Variants in SIRPA observed in about 807,000 individuals in gnomAD.
SIRPA encodes signal regulatory protein alpha, also known as tyrosine-protein phosphatase non-receptor type substrate 1.
In SIRPA, 9 loss-of-function variants were observed where a neutral mutation model predicts 50.3. That is an observed-to-expected ratio of 0.18 (90% CI 0.11 to 0.31). The LOEUF (loss-of-function observed/expected upper bound fraction) is 0.31. Among genes scored for constraint, SIRPA ranks in the 10% least tolerant of loss-of-function variants. SIRPA has a pLI of 1.00. For synonymous variants in SIRPA, 265 were observed against 284.1 expected, an observed-to-expected ratio of 0.93 and a Z score of 0.68; for missense variants, 474 against 661.6, an observed-to-expected ratio of 0.72 and a Z score of 3.11.
rs529265480 is a variant in SIRPA, at chr20:1,924,742, C to T, written c.1088-22C>T. On this transcript the variant is annotated intron_variant, in intron 4 of 7. Transcript: ENST00000358771. The surrounding 1 kb of genome is among the most constrained non-coding windows in gnomAD (Gnocchi z 4.5). ...TGTTTTTAATCTGCATACGTGAAGC[C>T]TCTATTCCATGTGGTCCCTAGAGAA... 8.8e-6 allele frequency: 14 copies of T among 1,596,720 alleles called. No individual in the cohort carries two copies. In the East Asian group the frequency reaches 2.7e-4, roughly 31 times the overall value.
At chr20:1,911,803 G>A (rs554761021) in intron 1 of SIRPA, among the ~76,000 whole-genome samples, 1 of 152,120 alleles carries the variant, frequency 6.6e-6, no homozygotes, top group African/African-American at 2.4e-5. Context: ...CAGGCCCCTG[G>A]ACAGTCGCAT....
At chr20:1,906,629 G>A (rs142140820) in intron 1 of SIRPA, among the ~76,000 whole-genome samples, 65 of 152,306 alleles carry the variant, frequency 4.3e-4, no homozygotes, top group African/African-American at 1.4e-3. Context: ...TGGGGCCACT[G>A]TAAAAATTCT....
At chr20:1,935,349 C>G (rs1336430631) in intron 7 of SIRPA, among the ~76,000 whole-genome samples, 1 of 152,248 alleles carries the variant, frequency 6.6e-6, no homozygotes, top group Non-Finnish European at 1.5e-5. Context: ...GCTGTCAGAC[C>G]TTGAAGGCAG....
At position 1,934,588 on chromosome 20, in the gene SIRPA, G is replaced by A; in HGVS notation, c.1227-127G>A. On this transcript the variant is annotated intron_variant, in intron 6 of 7. Transcript: ENST00000358771. This position sits in a 1 kb window ranked among gnomAD's most constrained non-coding sequence, Gnocchi z 4.6. ...ACATTTGATATGCAGTTGTATTTCT[G>A]TTATGAGTCCTTCGTTCATGTCCTC... 2.5e-6 allele frequency: 2 copies of A among 811,996 alleles called. No individual in the cohort carries two copies. Among genetic ancestry groups the A allele is most frequent in the Non-Finnish European group, 2.0e-6 (1 of 496,498 alleles). The allele number at this position is 811,996 out of a possible 1,614,324, so 50.3% of individuals were successfully genotyped here. A position where few individuals can be genotyped will look rare whatever the true frequency, so the allele number is the denominator to read the frequency against.
chr20:1,909,382 C>A (rs1984747453), intron 1 of SIRPA, among the ~76,000 whole-genome samples: 1 of 152,214 alleles, frequency 6.6e-6, no homozygotes. Context: ...CTTCTCCCCA[C>A]CCCTTGAGAC....
intron 1 of SIRPA, among the ~76,000 whole-genome samples, chr20:1,907,623 C>T (rs1437348954): frequency 6.6e-6 from 1 of 152,258 alleles, no homozygotes; most frequent in Non-Finnish European, 1.5e-5. Context: ...TCTTCCAGAA[C>T]CCCATCCCTA....
chr20:1,900,613 C>T (rs970912706), intron 1 of SIRPA, among the ~76,000 whole-genome samples: 1 of 152,136 alleles, frequency 6.6e-6, no homozygotes. Flanking sequence ...CCTTATGGTG[C>T]GGCCAGAAGA....
intron 7 of SIRPA, among the ~76,000 whole-genome samples, chr20:1,935,203 G>A (rs938852173): frequency 6.6e-6 from 1 of 152,184 alleles, no homozygotes; most frequent in Non-Finnish European, 1.5e-5. Flanking sequence ...CTTTGCTGAT[G>A]GAAAGACCCC....
rs185525860 is a variant in SIRPA, at chr20:1,927,727, G to A, written c.1202-148G>A. On this transcript the variant is annotated intron_variant, in intron 5 of 7. Coordinates refer to ENST00000358771, the MANE Select transcript of SIRPA (RefSeq NM_001040023.2). This position sits in a 1 kb window ranked among gnomAD's most constrained non-coding sequence, Gnocchi z 6.5. ...TGGTGGAAGAGGATGCCCACTGGGT[G>A]GGCATGGGGGTCTCCTGTGGTTCCA... 2.0e-4 allele frequency: 147 copies of A among 721,702 alleles called. No individual in the cohort carries two copies. In the East Asian group the frequency reaches 2.7e-3, roughly 13 times the overall value. The allele number at this position is 721,702 out of a possible 1,614,324, so 44.7% of individuals were successfully genotyped here.
upstream of SIRPA, chr20:1,895,394 C>A: frequency 1.8e-6 from 2 of 1,099,818 alleles, no homozygotes; most frequent in Non-Finnish European, 2.4e-6. Context: ...AGCCTGCTCC[C>A]GCCCGAGCGC....
chr20:1,920,642 A>T (rs867044664), intron 2 of SIRPA, among the ~76,000 whole-genome samples: 2 of 152,248 alleles, frequency 1.3e-5, no homozygotes, highest in Admixed American at 6.5e-5. Context: ...TCAGAAAAGT[A>T]TCCCTTCCTT....
At chr20:1,912,302 T>C (rs1984939375) in intron 1 of SIRPA, among the ~76,000 whole-genome samples, 2 of 152,200 alleles carry the variant, frequency 1.3e-5, no homozygotes, top group Admixed American at 1.3e-4. Context: ...CACAGCCCCT[T>C]GTGGTGTTAT....
rs576168926 is a variant in SIRPA, at chr20:1,939,004, T to C, written c.*1436T>C. 7.9e-5 allele frequency: 12 copies of C among 152,756 alleles called. No individual in the cohort carries two copies. Among genetic ancestry groups the C allele is most frequent in the Non-Finnish European group, 1.3e-4 (9 of 68,042 alleles). The allele number at this position is 152,756 out of a possible 1,614,324, so 9.5% of individuals were successfully genotyped here. ...CCTACTGGGATCAAACTGGAATAAA[T>C]TGAAGACAGCCAGGGGGATGGTGCA... is the stretch of plus-strand genomic sequence containing the variant. On this transcript the variant is annotated 3_prime_UTR_variant, in exon 8 of 8. Coordinates refer to ENST00000358771, the MANE Select transcript of SIRPA (RefSeq NM_001040023.2). The surrounding 1 kb of genome is among the most constrained non-coding windows in gnomAD (Gnocchi z 4.7).
chr20:1,895,575 C>T (rs922692567), intron 1 of SIRPA, 49 bp downstream of exon 1: 4 of 1,325,982 alleles, frequency 3.0e-6, no homozygotes, highest in Non-Finnish European at 3.9e-6. Context: ...ACTGCGGGCT[C>T]AGGCCTCTCA....
chr20:1,894,956 G>A (rs1346901185), upstream of SIRPA, among the ~76,000 whole-genome samples: 1 of 147,388 alleles, frequency 6.8e-6, no homozygotes, highest in Non-Finnish European at 1.5e-5. This position sits in a 1 kb window ranked among gnomAD's most constrained non-coding sequence, Gnocchi z 4.0. Context: ...TGTGGAGCCC[G>A]GGCGGGGCAG....
intron 1 of SIRPA, among the ~76,000 whole-genome samples, chr20:1,909,721 G>A (rs1281753449): frequency 6.6e-6 from 1 of 152,188 alleles, no homozygotes; most frequent in Admixed American, 6.5e-5. Context: ...GGTGGAGGTT[G>A]CAGTGAGCCG....
chr20:1,935,785 A>T (rs1035338502), intron 7 of SIRPA, among the ~76,000 whole-genome samples: 6 of 152,226 alleles, frequency 3.9e-5, no homozygotes, highest in Non-Finnish European at 7.3e-5. Context: ...CCAGACAGTC[A>T]CAGCCCAGCT....
chr20:1,913,689 G>A (rs6075340), intron 1 of SIRPA, among the ~76,000 whole-genome samples: 56,006 of 152,022 alleles, frequency 0.37, 10,658 homozygotes, highest in East Asian at 0.66. Flanking sequence ...CTCTGCGTCT[G>A]TCTCTCAGGC....
In SIRPA at chr20:1,895,512, C is replaced by G; in HGVS notation, c.65C>G (p.Ser22Cys). ...GPLLCLLLAASCAWSGVAGEE... is the reference protein window; with the variant it reads ...GPLLCLLLAACCAWSGVAGEE... Reference sequence around the variant, plus strand: ...CTGCTCTGCCTGCTGCTCGCCGCGTCCTGCGCCTGGTCAGGTAAGCACCCC... The same window carrying G: ...CTGCTCTGCCTGCTGCTCGCCGCGTGCTGCGCCTGGTCAGGTAAGCACCCC... The change falls in exon 1 of 8, where the codon TCC (serine) becomes TGC (cysteine). Residue 22 changes from serine to cysteine, a missense_variant. Around this residue, in one of 4 missense-constraint regions of SIRPA, gnomAD observed 72 missense variants for 76.2 expected, o/e 0.94. Transcript: ENST00000358771. The G allele has an allele frequency of 6.8e-7, 1 of 1,460,932 alleles. No individual in the cohort carries two copies. Among genetic ancestry groups the G allele is most frequent in the Non-Finnish European group, 9.0e-7 (1 of 1,109,094 alleles). The allele number at this position is 1,460,932 out of a possible 1,614,324, so 90.5% of individuals were successfully genotyped here. A position where few individuals can be genotyped will look rare whatever the true frequency, so the allele number is the denominator to read the frequency against.
Sources: allele counts gnomAD v4.1 joint callset (sites outside exome capture counted in the v4.1 genomes callset), GRCh38; gene constraint gnomAD v4.1.1; regional missense constraint gnomAD v4.1.1; non-coding constraint Gnocchi (gnomAD v3.1); transcripts MANE v1.5; gene names NCBI Gene and HGNC (gene_info 2026-07-23, HGNC 2026-07-21).